The following RTN4 variants were observed in gnomAD, a reference collection of about 807,000 sequenced individuals.
The protein encoded by RTN4 is reticulon-4.
In RTN4, 32 loss-of-function variants were observed where a neutral mutation model predicts 90.4. The ratio of observed to expected loss-of-function variants is 0.35; its 90% CI spans 0.27 to 0.48. The LOEUF is 0.48. Among genes scored for constraint, RTN4 ranks in the 20% least tolerant of loss-of-function variants. The probability of loss-of-function intolerance (pLI) is 0.99; values close to 1 mark genes in which losing one functional copy is unlikely to be tolerated. For synonymous variants in RTN4, 629 were observed against 552.5 expected (o/e 1.14, Z -1.94); for missense variants, 1,706 against 1,430.2 (o/e 1.19, Z -3.11).
chr2:55,087,836 G>A (rs944286049), intron 1 of RTN4, among the ~76,000 whole-genome samples: 1 of 152,182 alleles, frequency 6.6e-6, no homozygotes, highest in Non-Finnish European at 1.5e-5. Context: ...CCTCACCAGT[G>A]ATTTGTATGG....
At chr2:55,096,814 T>C (rs975310728) in intron 1 of RTN4, among the ~76,000 whole-genome samples, 1 of 151,266 alleles carries the variant, frequency 6.6e-6, no homozygotes, top group Non-Finnish European at 1.5e-5. Context: ...TAAGCTTCTG[T>C]CCTGTGCCAG....
Position 55,025,469 on chromosome 2 carries a change from G to T in RTN4, c.2630C>A (p.Ser877Tyr). The T allele has an allele frequency of 6.2e-7, 1 of 1,613,642 alleles. No homozygotes were observed. The highest frequency in any genetic ancestry group is 8.5e-7 in the Non-Finnish European group (1 of 1,179,724). Residue 877 changes from serine (S) to tyrosine (Y), a missense_variant, in exon 3 of 9, where the codon TCT (serine) becomes TAT (tyrosine). Ser to Tyr is a moderately radical substitution (Grantham distance 144). Coordinates refer to ENST00000337526, the MANE Select transcript of RTN4 (RefSeq NM_020532.5). The part of the protein sequence containing the change: ...IIDEFPTLIS[S>Y]KTDSFSKLAR... Reference sequence around the variant, plus strand: ...TAATTTAGAAAATGAATCAGTTTTAGAACTGATCAATGTAGGGAACTCATC... The same window carrying T: ...TAATTTAGAAAATGAATCAGTTTTATAACTGATCAATGTAGGGAACTCATC...
chr2:55,117,836 A>T, the RTN4 span, among the ~76,000 whole-genome samples: 1 of 152,186 alleles, frequency 6.6e-6, no homozygotes, highest in Non-Finnish European at 1.5e-5. Context: ...TAGGGAAGGG[A>T]GTTGGAATTC....
At chr2:55,014,761 C>T (rs779124940) in intron 3 of RTN4, among the ~76,000 whole-genome samples, 10 of 152,050 alleles carry the variant, frequency 6.6e-5, no homozygotes, top group South Asian at 2.1e-4. Flanking sequence ...GTGATCTGCC[C>T]GCCTTAGCCT....
intron 1 of RTN4, among the ~76,000 whole-genome samples, chr2:55,110,784 T>C (rs1481405840): frequency 6.6e-6 from 1 of 152,220 alleles, no homozygotes; most frequent in Non-Finnish European, 1.5e-5. Context: ...CTCATGCCTA[T>C]AATCCCAGCA....
chr2:55,132,124 C>G, the RTN4 span, among the ~76,000 whole-genome samples: 3 of 152,170 alleles, frequency 2.0e-5, no homozygotes, highest in Non-Finnish European at 2.9e-5. Flanking sequence ...ATCGGTGAAA[C>G]AAGAATGGCA....
chr2:55,085,543 T>A (rs1322594165), intron 1 of RTN4, among the ~76,000 whole-genome samples: 1 of 152,184 alleles, frequency 6.6e-6, no homozygotes, highest in Non-Finnish European at 1.5e-5. Context: ...ACCCTCATAA[T>A]AAAGGGGAAT....
chr2:55,010,578 T>A (rs1419959543), intron 3 of RTN4: 1 of 154,854 alleles, frequency 6.5e-6, no homozygotes, highest in African/African-American at 2.4e-5. Context: ...TTCAGTTTCA[T>A]TTAAAACTCT....
At chr2:55,054,123 A>C (rs975532804), upstream of RTN4, among the ~76,000 whole-genome samples, 1 of 152,214 alleles carries the variant, frequency 6.6e-6, no homozygotes, top group Non-Finnish European at 1.5e-5. Context: ...TTTAAATAAA[A>C]AAATTCTTAA....
intron 1 of RTN4, among the ~76,000 whole-genome samples, chr2:55,083,058 A>T (rs1345857997): frequency 6.6e-6 from 1 of 152,262 alleles, no homozygotes; most frequent in African/African-American, 2.4e-5. Flanking sequence ...AACAGTAACA[A>T]CATCAACAAC....
chr2:54,985,986 T>C (rs1558766836), intron 4 of RTN4, among the ~76,000 whole-genome samples: 3 of 152,206 alleles, frequency 2.0e-5, no homozygotes, highest in Admixed American at 2.0e-4. Flanking sequence ...CAGTAGGAAC[T>C]GAATTTTCGG....
chr2:54,985,776 A>C (rs1678511282), intron 4 of RTN4, among the ~76,000 whole-genome samples: 1 of 152,284 alleles, frequency 6.6e-6, no homozygotes, highest in African/African-American at 2.4e-5. Context: ...TTTACCCATT[A>C]ATATCAACTG....
Position 54,973,544 on chromosome 2 carries a change from G to A in RTN4, c.3536+19C>T. The A allele has an allele frequency of 1.9e-6, 3 of 1,571,768 alleles. No homozygotes were observed. Among genetic ancestry groups the A allele is most frequent in the Non-Finnish European group, 2.6e-6 (3 of 1,141,700 alleles). On this transcript the variant is annotated intron_variant, in intron 8 of 8. Coordinates refer to ENST00000337526, the MANE Select transcript of RTN4 (RefSeq NM_020532.5). The stretch of plus-strand genomic sequence containing the variant: ...CACACCTTATCCTAGTAAAAACACT[G>A]CAGATTTTAAATACTTACTTAGCCA...
intron 5 of RTN4, among the ~76,000 whole-genome samples, chr2:54,975,480 A>G (rs1356709434): frequency 3.3e-5 from 5 of 152,334 alleles, no homozygotes; most frequent in Admixed American, 2.6e-4. Flanking sequence ...CATTATCTAA[A>G]GCGGGGATCA....
At chr2:55,012,030 T>C (rs905801719) in intron 3 of RTN4, among the ~76,000 whole-genome samples, 2 of 152,170 alleles carry the variant, frequency 1.3e-5, no homozygotes, top group Admixed American at 6.6e-5. Context: ...GACTTTCTAA[T>C]AACAAGTCCC....
At chr2:55,072,098 G>A (rs1046180979) in intron 2 of RTN4, among the ~76,000 whole-genome samples, 2 of 151,372 alleles carry the variant, frequency 1.3e-5, no homozygotes, top group Admixed American at 6.6e-5. Flanking sequence ...TGGTATGGGT[G>A]TGCCACAATT....
chr2:55,093,641 C>T (rs1047638359), intron 1 of RTN4, among the ~76,000 whole-genome samples: 4 of 151,988 alleles, frequency 2.6e-5, no homozygotes, highest in Non-Finnish European at 4.4e-5. Flanking sequence ...ACCTCTCCCT[C>T]CACGAGGCCA....
chr2:55,065,734 G>C (rs1338352015), intron 2 of RTN4, among the ~76,000 whole-genome samples: 1 of 130,206 alleles, frequency 7.7e-6, no homozygotes, highest in Non-Finnish European at 1.6e-5. Flanking sequence ...ATGCAAAACT[G>C]CTTCTGGATG....
rs1290015434 is a variant in RTN4 at position 55,025,240 on chromosome 2, T to C, written c.2859A>G (p.Pro953=). The C allele has an allele frequency of 6.2e-7, 1 of 1,613,772 alleles. No individual in the cohort carries two copies. The highest frequency in any genetic ancestry group is 8.5e-7 in the Non-Finnish European group (1 of 1,179,848). The part of the protein sequence containing the change: ...SATSKVLLLP[P]DVSALATQAE... ...CTTGAGTGGCCAAAGCAGAAACATC[T>C]GGAGGCAATAAGAGCACCTTTGATG... The change falls in exon 3 of 9, where the codon CCA becomes CCG. Residue 953 remains proline, a synonymous_variant. Coordinates refer to ENST00000337526, the MANE Select transcript of RTN4 (RefSeq NM_020532.5).
Sources: allele counts gnomAD v4.1 joint callset (sites outside exome capture counted in the v4.1 genomes callset), GRCh38; gene constraint gnomAD v4.1.1; transcripts MANE v1.5; gene names NCBI Gene and HGNC (gene_info 2026-07-23, HGNC 2026-07-21).